The following ETFDH variants were observed in gnomAD, a reference collection of about 807,000 sequenced individuals.
ETFDH encodes the protein electron transfer flavoprotein-ubiquinone oxidoreductase, mitochondrial.
In ETFDH, 61 loss-of-function variants were observed where a neutral mutation model predicts 73.2. The ratio of observed to expected loss-of-function variants is 0.83; its 90% confidence interval spans 0.68 to 1.03. The LOEUF (loss-of-function observed/expected upper bound fraction) is 1.03, where lower values mean the gene tolerates loss of function less well. ETFDH is among the 50% of genes least tolerant of loss of function. The pLI is 0.00. For missense variants in ETFDH, 685 were observed against 745.0 expected (o/e 0.92, Z 0.94); for synonymous variants, 243 against 253.3 (o/e 0.96, Z 0.39).
At position 158,685,233 on chromosome 4, in the gene ETFDH, T is replaced by G; in HGVS notation, c.606+14T>G. The G allele has an allele frequency of 7.1e-7, 1 of 1,412,268 alleles. No homozygotes were observed. Among genetic ancestry groups the G allele is most frequent in the Non-Finnish European group, 1.0e-6 (1 of 996,272 alleles). The allele number at this position is 1,412,268 out of a possible 1,614,324, so 87.5% of individuals were successfully genotyped here. A position where few individuals can be genotyped will look rare whatever the true frequency, so the allele number is the denominator to read the frequency against. On this transcript the variant is annotated intron_variant, in intron 5 of 12. Coordinates refer to ENST00000511912, the MANE Select transcript of ETFDH (RefSeq NM_004453.4). ...GCAGCTGCTGAGGTTTGTATAGTTT[T>G]GTTTTGTTTTAATATTTATAGGAAC...
Position 158,705,694 on chromosome 4 carries a change from A to G in ETFDH, c.1286-495A>G, listed in dbSNP as rs186434858. Reference sequence around the variant, plus strand: ...AAATGCCTTACTGCCTGTTAATAACATATCTATATCTAATGGTTGTCTTTT... The same window carrying G: ...AAATGCCTTACTGCCTGTTAATAACGTATCTATATCTAATGGTTGTCTTTT... On this transcript the variant is annotated intron_variant, in intron 10 of 12. Transcript: ENST00000511912. Among the ~76,000 whole-genome samples, 231 of 152,364 alleles carry G rather than the reference A, an allele frequency of 1.5e-3. 1 individual carries two copies. The highest frequency in any genetic ancestry group is 5.4e-3 in the African/African-American group (225 of 41,588).
intron 9 of ETFDH, among the ~76,000 whole-genome samples, chr4:158,702,319 T>C (rs185161599): frequency 6.6e-6 from 1 of 152,308 alleles, no homozygotes; most frequent in Non-Finnish European, 1.5e-5. Flanking sequence ...GTTGGTAATA[T>C]TTAAAATCTT....
intron 4 of ETFDH, 30 bp from the exon 5 acceptor site, chr4:158,685,071 C>T (rs374190323): frequency 1.6e-6 from 2 of 1,283,828 alleles, no homozygotes; most frequent in Non-Finnish European, 2.3e-6. Context: ...AATAAAAAGT[C>T]AGATTTATAA....
In ETFDH at chr4:158,695,618, A is replaced by T. The variant is rs776320810; in HGVS notation, c.806A>T (p.Gln269Leu). 2 of 1,611,784 alleles carry T rather than the reference A, an allele frequency of 1.2e-6. No homozygotes were observed. Among genetic ancestry groups the T allele is most frequent in the Non-Finnish European group, 1.7e-6 (2 of 1,177,900 alleles). Residue 269 changes from glutamine (Q) to leucine (L), a missense_variant, in exon 7 of 13, where the codon CAA becomes CTA. This residue lies in a region of ETFDH where 405 missense variants were observed against 399.3 expected (regional missense o/e 1.01). Coordinates refer to ENST00000511912, the MANE Select transcript of ETFDH (RefSeq NM_004453.4). The stretch of plus-strand genomic sequence containing the variant: ...GATTTGAGAGCAAATTGTGAACCTC[A>T]AACCTACGGGATTGGACTGAAGGAG... ...KFDLRANCEP[Q>L]TYGIGLKELW...
intron 1 of ETFDH, among the ~76,000 whole-genome samples, chr4:158,673,304 A>G (rs979346383): frequency 3.3e-5 from 5 of 152,124 alleles, no homozygotes; most frequent in Non-Finnish European, 7.4e-5. Context: ...CTCCGTCTCA[A>G]AAAAAAATTA....
chr4:158,677,557 G>A (rs1331012379), intron 1 of ETFDH, among the ~76,000 whole-genome samples: 1 of 152,234 alleles, frequency 6.6e-6, no homozygotes, highest in Non-Finnish European at 1.5e-5. Flanking sequence ...ACAAGAGACA[G>A]CTTTGCAGGG....
In ETFDH at chr4:158,687,828, C is replaced by T. The variant is rs374685153; in HGVS notation, c.607-2520C>T. ...GGCCAAGGCAGGCAGGTCACGAGGT[C>T]AGGAGATCAAGACCATCCTGGATAA... On this transcript the variant is annotated intron_variant, in intron 5 of 12. Transcript: ENST00000511912. Among the ~76,000 whole-genome samples, 93 of 152,066 alleles carry T rather than the reference C, an allele frequency of 6.1e-4. 2 individuals are homozygous for T. The East Asian group carries it at 0.015, about 25-fold the overall frequency.
intron 1 of ETFDH, among the ~76,000 whole-genome samples, chr4:158,675,731 T>C (rs1390113050): frequency 6.7e-6 from 1 of 150,346 alleles, no homozygotes; most frequent in East Asian, 2.0e-4. Flanking sequence ...ATCACATCAC[T>C]GCATTCCACC....
At chr4:158,689,052 A>G (rs1011864850) in intron 5 of ETFDH, among the ~76,000 whole-genome samples, 5 of 152,210 alleles carry the variant, frequency 3.3e-5, no homozygotes, top group Admixed American at 2.0e-4. Context: ...TAAAAAAGAC[A>G]TTCCTGGAAT....
In ETFDH at chr4:158,708,665, A is replaced by G. The variant is rs1774711709; in HGVS notation, c.*138A>G. 1.3e-5 allele frequency: 9 copies of G among 710,878 alleles called. No individual in the cohort carries two copies. In the South Asian group the frequency reaches 1.5e-4, roughly 12 times the overall value. The allele number at this position is 710,878 out of a possible 1,614,324, so 44.0% of individuals were successfully genotyped here. A position where few individuals can be genotyped will look rare whatever the true frequency, so the allele number is the denominator to read the frequency against. ...GATTATCAAATAAAAATTTTATACTATATGTAAGATTGTCCCATAAAGAAA... is the reference window on the plus strand; with the variant it reads ...GATTATCAAATAAAAATTTTATACTGTATGTAAGATTGTCCCATAAAGAAA... On this transcript the variant is annotated 3_prime_UTR_variant, in exon 13 of 13. Transcript: ENST00000511912.
intron 9 of ETFDH, 68 bp from the exon 10 acceptor site, chr4:158,703,355 T>C: frequency 2.8e-6 from 3 of 1,066,726 alleles, no homozygotes; most frequent in Admixed American, 3.4e-5. Context: ...TTAAGACTGA[T>C]TTGGAGTATT....
At chr4:158,691,612 C>T (rs1370969452) in intron 6 of ETFDH, among the ~76,000 whole-genome samples, 2 of 152,128 alleles carry the variant, frequency 1.3e-5, no homozygotes, top group African/African-American at 4.8e-5. Flanking sequence ...CGTGAGCCAC[C>T]GTGCCTGGCC....
chr4:158,685,294 TGAA>T (rs1773976702), intron 5 of ETFDH, 75 bp downstream of exon 5: 13 of 816,542 alleles, frequency 1.6e-5, no homozygotes, highest in Non-Finnish European at 2.3e-5. Context: ...TTTATAAAGT[TGAA>T]GAAATAAATA....
chr4:158,681,226 A>G (rs1414581804), intron 2 of ETFDH, among the ~76,000 whole-genome samples: 1 of 152,178 alleles, frequency 6.6e-6, no homozygotes, highest in East Asian at 1.9e-4. Flanking sequence ...GACCCTGTGT[A>G]GGCCTAACTA....
At position 158,703,520 on chromosome 4, in the gene ETFDH, A is replaced by G. The variant is rs746016359; in HGVS notation, c.1214A>G (p.Lys405Arg). 5 of 1,609,932 alleles carry G rather than the reference A, an allele frequency of 3.1e-6. No individual in the cohort carries two copies. In the Admixed American group the frequency reaches 6.7e-5, roughly 21 times the overall value. Reference protein sequence around the residue: ...PKIKGTHTAMKSGILAAESIF... With the variant: ...PKIKGTHTAMRSGILAAESIF... ...ATCAAAGGTACTCACACAGCAATGA[A>G]AAGTGGAATTTTAGCAGCAGAATCT... Residue 405 changes from lysine (K) to arginine (R), a missense_variant, in exon 10 of 13, where the codon AAA (lysine) becomes AGA (arginine). Physicochemically the swap from Lys to Arg is conservative, Grantham distance 26. Coordinates refer to ENST00000511912, the MANE Select transcript of ETFDH (RefSeq NM_004453.4).
chr4:158,689,636 A>ATATATATATTATATT (rs765147554), intron 5 of ETFDH, among the ~76,000 whole-genome samples: 2 of 63,676 alleles, frequency 3.1e-5, no homozygotes, highest in Non-Finnish European at 6.0e-5. Flanking sequence ...ATATATATAT[A>ATATATATATTATATT]TTGTGGGGGG....
intron 4 of ETFDH, 107 bp downstream of exon 4, chr4:158,684,780 A>G (rs1248217486): frequency 3.9e-6 from 3 of 766,366 alleles, no homozygotes; most frequent in African/African-American, 3.4e-5. Context: ...TGAGACCCAG[A>G]TATTTGAAGG....
At position 158,706,217 on chromosome 4, in the gene ETFDH, T is replaced by C; in HGVS notation, c.1314T>C (p.Asn438=). 6.2e-7 allele frequency: 1 copy of C among 1,612,628 alleles called. No individual in the cohort carries two copies. ...TCCATGTAACTGAATATGAGGACAA[T>C]TTGAAGAACTCATGGGTATGGAAAG... ...IGLHVTEYED[N]LKNSWVWKEL... is the part of the protein sequence containing the mutation. Residue 438 remains asparagine (N), a synonymous_variant, in exon 11 of 13, where the codon AAT becomes AAC. Transcript: ENST00000511912.
chr4:158,695,315 A>C (rs1774280635), intron 6 of ETFDH, among the ~76,000 whole-genome samples, 182 bp from the exon 7 acceptor site: 1 of 152,194 alleles, frequency 6.6e-6, no homozygotes, highest in Non-Finnish European at 1.5e-5. Context: ...GAGGTATTTT[A>C]AGTGAGAAGA....
Sources: gnomAD v4.1 joint callset for allele counts (sites outside exome capture counted in the v4.1 genomes callset) on GRCh38, gnomAD v4.1.1 for gene constraint, gnomAD v4.1.1 regional missense constraint, MANE v1.5 for transcripts, NCBI Gene and HGNC (gene_info 2026-07-23, HGNC 2026-07-21) for gene names.